SULF1: variants seen among roughly 807,000 people sequenced by gnomAD.
The protein encoded by SULF1 is extracellular sulfatase Sulf-1.
SULF1 carries 46 observed loss-of-function variants against 110.5 expected under a neutral mutation model. The ratio of observed to expected loss-of-function variants is 0.42; its 90% CI spans 0.33 to 0.53. SULF1 has a LOEUF of 0.53. Among genes scored for constraint, SULF1 ranks in the 20% least tolerant of loss-of-function variants. The pLI is 0.12. For synonymous variants in SULF1, 371 were observed against 387.1 expected (o/e 0.96, Z 0.49); for missense variants, 941 against 1,094.2 (o/e 0.86, Z 1.98).
At chr8:69,471,654 C>T (rs556145990) in intron 1 of SULF1, among the ~76,000 whole-genome samples, 16 of 152,278 alleles carry the variant, frequency 1.1e-4, no homozygotes, top group African/African-American at 3.6e-4. Context: ...ATCCAGGGAC[C>T]ACCTCTCTAG....
At chr8:69,609,487 T>C (rs73686105) in intron 13 of SULF1, among the ~76,000 whole-genome samples, 5,400 of 152,284 alleles carry the variant, frequency 0.035, 321 homozygotes, top group African/African-American at 0.12. Flanking sequence ...TTAACGAGGT[T>C]AAGAATCACA....
intron 19 of SULF1, 48 bp from the exon 20 acceptor site, chr8:69,638,454 G>GT: frequency 6.3e-7 from 1 of 1,593,852 alleles, no homozygotes; most frequent in Non-Finnish European, 8.5e-7. Flanking sequence ...CCTGCCTAAG[G>GT]TTTTTCACTC....
chr8:69,640,800 T>G lies in SULF1; in HGVS notation c.2552-8T>G, dbSNP rs778154579. 14 of 1,611,170 alleles carry G rather than the reference T, an allele frequency of 8.7e-6. No homozygotes were observed. Among genetic ancestry groups the G allele is most frequent in the Non-Finnish European group, 1.1e-5 (13 of 1,178,642 alleles). ...AACAGAAATTACTCTTGTATTTTCC[T>G]ATATCAGGAAATAAAGATGGAGGAA... On this transcript the variant is annotated splice_region_variant and splice_polypyrimidine_tract_variant and intron_variant, in intron 21 of 22. Transcript: ENST00000402687.
upstream of SULF1, among the ~76,000 whole-genome samples, chr8:69,490,158 A>AGT (rs1809873828): frequency 6.9e-6 from 1 of 145,724 alleles, no homozygotes; most frequent in African/African-American, 2.6e-5. Flanking sequence ...GCTGGAATGC[A>AGT]GTGGCACAAT....
intron 3 of SULF1, among the ~76,000 whole-genome samples, chr8:69,545,795 C>G (rs934010572): frequency 7.9e-5 from 12 of 152,186 alleles, no homozygotes; most frequent in Non-Finnish European, 1.5e-4. Context: ...CTTCCAGGTT[C>G]AAGCAATTCT....
At chr8:69,634,917 C>T (rs376210318) in intron 19 of SULF1, among the ~76,000 whole-genome samples, 2 of 152,134 alleles carry the variant, frequency 1.3e-5, no homozygotes, top group East Asian at 3.9e-4. Context: ...AAGTGATTCT[C>T]CTGCCTCAGC....
chr8:69,470,907 C>A (rs1411531312), intron 1 of SULF1, among the ~76,000 whole-genome samples: 1 of 152,148 alleles, frequency 6.6e-6, no homozygotes, highest in Admixed American at 6.5e-5. Flanking sequence ...TTCTTTCAGC[C>A]CTAACCACTC....
intron 8 of SULF1, among the ~76,000 whole-genome samples, chr8:69,591,425 G>A (rs570881149): frequency 3.9e-5 from 6 of 151,906 alleles, no homozygotes; most frequent in South Asian, 4.2e-4. Flanking sequence ...TTAGCCAGGC[G>A]TGGTGGTGGG....
rs543595664 is a variant in SULF1, at chr8:69,486,761, G to A, written c.-390-9004G>A. ...TCTCAGACTTGTCCCTTGGACCCAT[G>A]CCCAAGCCAGCCCTGAGAGGGTTGG... is the stretch of plus-strand genomic sequence containing the variant. On this transcript the variant is annotated intron_variant, in intron 1 of 22. Coordinates refer to the SULF1 transcript ENST00000260128. 1.8e-4 allele frequency among the ~76,000 whole-genome samples: 27 copies of A among 152,194 alleles called. No individual in the cohort carries two copies. The South Asian group carries it at 5.6e-3, about 32-fold the overall frequency.
At chr8:69,641,891 G>A (rs1208434536) in intron 22 of SULF1, among the ~76,000 whole-genome samples, 1 of 151,934 alleles carries the variant, frequency 6.6e-6, no homozygotes, top group Non-Finnish European at 1.5e-5. Flanking sequence ...TGCTCTGGAG[G>A]GGGGACGCAC....
At chr8:69,486,422 T>C (rs1159538574) in intron 1 of SULF1, among the ~76,000 whole-genome samples, 1 of 113,080 alleles carries the variant, frequency 8.8e-6, no homozygotes, top group Non-Finnish European at 1.6e-5. Flanking sequence ...TCTATATAAA[T>C]GCTAAACAGA....
At chr8:69,504,082 G>A (rs1267730362) in intron 3 of SULF1, among the ~76,000 whole-genome samples, 1 of 152,116 alleles carries the variant, frequency 6.6e-6, no homozygotes, top group African/African-American at 2.4e-5. Context: ...ACAGGCGTGA[G>A]CCACTGCGCC....
intron 8 of SULF1, chr8:69,597,472 G>A (rs1807432370): frequency 6.6e-6 from 1 of 151,832 alleles, no homozygotes; most frequent in African/African-American, 2.4e-5. Context: ...AGAAAAATAA[G>A]GGGGGGCAGG....
chr8:69,589,280 G>T (rs1441230876), intron 8 of SULF1, 139 bp downstream of exon 8: 1 of 881,838 alleles, frequency 1.1e-6, no homozygotes, highest in Non-Finnish European at 1.6e-6. Context: ...CTTAAGAGCA[G>T]ACCACGGAAC....
chr8:69,550,857 G>A (rs1461104174), intron 3 of SULF1, among the ~76,000 whole-genome samples: 1 of 152,146 alleles, frequency 6.6e-6, no homozygotes, highest in Non-Finnish European at 1.5e-5. Context: ...TGGTCCCCAT[G>A]ATTCATGCCC....
At chr8:69,506,958 T>C (rs1488429015) in intron 3 of SULF1, among the ~76,000 whole-genome samples, 1 of 152,210 alleles carries the variant, frequency 6.6e-6, no homozygotes, top group African/African-American at 2.4e-5. Context: ...AGACATTACT[T>C]TGCGGTGATG....
intron 3 of SULF1, among the ~76,000 whole-genome samples, chr8:69,536,917 C>T (rs965742685): frequency 1.3e-5 from 2 of 152,132 alleles, no homozygotes; most frequent in African/African-American, 2.4e-5. Context: ...AGGACCCAGG[C>T]GCTTGACTGC....
Position 69,492,913 on chromosome 8 carries a change from A to G in SULF1, c.-603A>G, listed in dbSNP as rs2725092. The G allele has an allele frequency of 0.27, 40,861 of 152,570 alleles. 6,386 individuals are homozygous for G. The highest frequency in any genetic ancestry group is 0.74 in the East Asian group (3,781 of 5,134). The allele number at this position is 152,570 out of a possible 1,614,324, so 9.5% of individuals were successfully genotyped here. ...GGGCGGCTTGATCGGCAACTAGGAA[A>G]CCCCAGGCGCAGAGGCCAGGAGCGA... On this transcript the variant is annotated 5_prime_UTR_variant, in exon 1 of 23. Transcript: ENST00000402687.
intron 13 of SULF1, among the ~76,000 whole-genome samples, chr8:69,612,248 T>C (rs1422364671): frequency 6.6e-6 from 1 of 152,156 alleles, no homozygotes; most frequent in Non-Finnish European, 1.5e-5. Context: ...ATGCACTTGT[T>C]GGTTGATGGG....
Sources: gnomAD v4.1 joint callset for allele counts (sites outside exome capture counted in the v4.1 genomes callset) on GRCh38, gnomAD v4.1.1 for gene constraint, MANE v1.5 for transcripts, NCBI Gene and HGNC (gene_info 2026-07-23, HGNC 2026-07-21) for gene names.